MARCHF1: variants seen among roughly 807,000 people sequenced by gnomAD.
The protein encoded by MARCHF1 is membrane associated ring-CH-type finger 1.
In MARCHF1, 40 loss-of-function variants were observed where a neutral mutation model predicts 54.2. The ratio of observed to expected loss-of-function variants is 0.74; its 90% CI spans 0.57 to 0.96. The LOEUF (loss-of-function observed/expected upper bound fraction) is 0.96, where lower values mean the gene tolerates loss of function less well. Among genes scored for constraint, MARCHF1 ranks in the 40% least tolerant of loss-of-function variants. The pLI is 0.00. For missense variants in MARCHF1, 586 were observed against 656.5 expected (o/e 0.89, Z 1.17); for synonymous variants, 236 against 236.3 (o/e 1.00, Z 0.01).
intron 1 of MARCHF1, among the ~76,000 whole-genome samples, chr4:164,315,846 T>C (rs4434204): frequency 0.37 from 55,504 of 152,028 alleles, 11,479 homozygotes; most frequent in Non-Finnish European, 0.48. Context: ...ATCAAAAGAA[T>C]TGGCTAAACA....
intron 7 of MARCHF1, among the ~76,000 whole-genome samples, chr4:163,597,204 C>T (rs889879455): frequency 1.3e-5 from 2 of 152,132 alleles, no homozygotes; most frequent in South Asian, 2.1e-4. Flanking sequence ...GTGATCTGCC[C>T]ACCTCGGCCT....
At chr4:164,054,357 G>A (rs1754437671) in intron 2 of MARCHF1, among the ~76,000 whole-genome samples, 2 of 152,150 alleles carry the variant, frequency 1.3e-5, no homozygotes, top group Admixed American at 1.3e-4. Context: ...CATTGTGCAA[G>A]TCAGTGTGGC....
intron 2 of MARCHF1, among the ~76,000 whole-genome samples, chr4:164,005,987 A>G (rs1753278301): frequency 2.0e-5 from 3 of 152,342 alleles, no homozygotes; most frequent in African/African-American, 7.2e-5. Flanking sequence ...TGAAAACCAA[A>G]ACAAGCTAAT....
intron 8 of MARCHF1, among the ~76,000 whole-genome samples, chr4:163,545,947 A>ATGTGTG (rs70948653): frequency 0.014 from 2,036 of 149,012 alleles, 43 homozygotes; most frequent in African/African-American, 0.046. Context: ...TTAAATACAT[A>ATGTGTG]TGTGTGTGTG....
chr4:163,679,767 C>T (rs1405109534), intron 5 of MARCHF1, among the ~76,000 whole-genome samples: 1 of 152,012 alleles, frequency 6.6e-6, no homozygotes. Flanking sequence ...CGCCCACCAC[C>T]ACGCCCGGCT....
intron 3 of MARCHF1, among the ~76,000 whole-genome samples, chr4:163,924,197 G>C (rs1158519006): frequency 6.6e-6 from 1 of 152,010 alleles, no homozygotes; most frequent in Non-Finnish European, 1.5e-5. Flanking sequence ...TGCTGCAAAA[G>C]CACAGCATGC....
At chr4:164,312,150 A>G (rs555035453) in intron 1 of MARCHF1, among the ~76,000 whole-genome samples, 1 of 152,210 alleles carries the variant, frequency 6.6e-6, no homozygotes, top group African/African-American at 2.4e-5. Flanking sequence ...ATTCTCATGT[A>G]TTCTCAATCC....
Position 163,528,639 on chromosome 4 carries a change from G to GAGAA in MARCHF1, c.*105_*108dup, listed in dbSNP as rs1300022570. ...AAAGTCAGGAAAAATGTGTCAGTAGGAGAAAGGAGGAGCTGAAGGGAGTAA... is the reference window on the plus strand; with the variant it reads ...AAAGTCAGGAAAAATGTGTCAGTAGGAGAAAGAAAGGAGGAGCTGAAGGGAGTAA... On this transcript the variant is annotated 3_prime_UTR_variant, in exon 10 of 10. Transcript: ENST00000514618. The GAGAA allele has an allele frequency of 2.7e-6, 3 of 1,131,862 alleles. No homozygotes were observed. Among genetic ancestry groups the GAGAA allele is most frequent in the Admixed American group, 2.6e-5 (1 of 38,170 alleles). 70.1% of individuals were successfully genotyped at this position (1,131,862 alleles called of 1,614,324 possible). A position where few individuals can be genotyped will look rare whatever the true frequency, so the allele number is the denominator to read the frequency against.
intron 8 of MARCHF1, among the ~76,000 whole-genome samples, chr4:163,583,413 TC>T (rs910048771): frequency 2.6e-5 from 4 of 152,178 alleles, no homozygotes; most frequent in African/African-American, 9.7e-5. Flanking sequence ...TGGATCAGAT[TC>T]CAACACCCCT....
In MARCHF1 at chr4:164,073,767, C is replaced by T. The variant is rs1350842748; in HGVS notation, c.-248+37821G>A. Among the ~76,000 whole-genome samples the T allele has an allele frequency of 2.6e-5, 4 of 151,930 alleles. No homozygotes were observed. The East Asian group carries it at 7.7e-4, about 29-fold the overall frequency. Reference sequence around the variant, plus strand: ...GATAAACGGTAATATGATGAATACCCTATTTTAGAAAGTTTTTTTTTTGTT... The same window carrying T: ...GATAAACGGTAATATGATGAATACCTTATTTTAGAAAGTTTTTTTTTTGTT... On this transcript the variant is annotated intron_variant, in intron 2 of 9. Transcript: ENST00000514618.
intron 3 of MARCHF1, among the ~76,000 whole-genome samples, chr4:163,984,780 T>G (rs967918963): frequency 6.6e-6 from 1 of 152,156 alleles, no homozygotes; most frequent in African/African-American, 2.4e-5. Context: ...GTAAGTGGTG[T>G]TCACATATCT....
intron 5 of MARCHF1, among the ~76,000 whole-genome samples, chr4:163,622,174 AG>A (rs1358799637): frequency 6.6e-6 from 1 of 152,050 alleles, no homozygotes; most frequent in Non-Finnish European, 1.5e-5. Context: ...AGAAAGCCAC[AG>A]AAAACACTAC....
At chr4:163,529,838 A>G (rs1322303214) in intron 9 of MARCHF1, 1 of 152,074 alleles carries the variant, frequency 6.6e-6, no homozygotes, top group Non-Finnish European at 1.5e-5. Flanking sequence ...TGTTAAATAT[A>G]TGAGGGTCAA....
intron 8 of MARCHF1, among the ~76,000 whole-genome samples, chr4:163,576,485 T>C (rs754038734): frequency 2.5e-4 from 38 of 152,080 alleles, no homozygotes; most frequent in Admixed American, 4.6e-4. Context: ...TAGAGTATGT[T>C]CTGTGTGTAT....
intron 1 of MARCHF1, among the ~76,000 whole-genome samples, chr4:164,381,677 A>G (rs1731374095): frequency 6.6e-6 from 1 of 152,226 alleles, no homozygotes; most frequent in Non-Finnish European, 1.5e-5. Flanking sequence ...AGATTTTTAT[A>G]TAGTGTACAC....
At chr4:163,713,294 T>C (rs1745162246) in intron 4 of MARCHF1, among the ~76,000 whole-genome samples, 1 of 152,124 alleles carries the variant, frequency 6.6e-6, no homozygotes, top group East Asian at 1.9e-4. Context: ...TAAATAGAAA[T>C]GTCACTAGAG....
chr4:164,288,118 C>G (rs1734196012), intron 1 of MARCHF1, among the ~76,000 whole-genome samples: 1 of 152,036 alleles, frequency 6.6e-6, no homozygotes, highest in Non-Finnish European at 1.5e-5. Context: ...CCACATGGTT[C>G]AAAATCCTAG....
At chr4:163,850,023 A>G (rs890966348) in intron 4 of MARCHF1, among the ~76,000 whole-genome samples, 1 of 152,130 alleles carries the variant, frequency 6.6e-6, no homozygotes, top group Admixed American at 6.6e-5. Flanking sequence ...GGTTCTGCCA[A>G]TGGTAGTCCT....
At chr4:163,689,947 C>A (rs1345605345) in intron 5 of MARCHF1, among the ~76,000 whole-genome samples, 1 of 152,194 alleles carries the variant, frequency 6.6e-6, no homozygotes, top group East Asian at 1.9e-4. Context: ...GTGTTTCTTA[C>A]TATCTTGGCT....
Sources: gnomAD v4.1 joint callset for allele counts (sites outside exome capture counted in the v4.1 genomes callset) on GRCh38, gnomAD v4.1.1 for gene constraint, MANE v1.5 for transcripts, NCBI Gene and HGNC (gene_info 2026-07-23, HGNC 2026-07-21) for gene names.